The following LNPK variants were observed in gnomAD, a reference collection of about 807,000 sequenced individuals.
LNPK encodes endoplasmic reticulum junction formation protein lunapark.
Under a neutral mutation model 55.2 loss-of-function variants are expected in LNPK, and 29 were observed. The ratio of observed to expected loss-of-function variants is 0.53; its 90% CI spans 0.39 to 0.72. The LOEUF is 0.72. Ranked by LOEUF, LNPK falls within the 30% of genes least tolerant of loss-of-function variation. LNPK has a pLI of 0.00. For synonymous variants in LNPK, 162 were observed against 168.2 expected, an observed-to-expected ratio of 0.96 and a Z score of 0.29; for missense variants, 467 against 494.8, an observed-to-expected ratio of 0.94 and a Z score of 0.53.
rs771391018 is a variant in LNPK at position 175,930,146 on chromosome 2, T to C, written c.1108A>G (p.Ile370Val). 4 of 1,613,380 alleles carry C rather than the reference T, an allele frequency of 2.5e-6. No homozygotes were observed. In the East Asian group the frequency reaches 8.9e-5, roughly 36 times the overall value. ...TGGTTTGTCTGTTCTGTAGCTGGTA[T>C]TTTGTCATCTGTCTGCTCTGTATTA... ...DDNTEQTDDK[I>V]PATEQTNQVI... Residue 370 changes from isoleucine (I) to valine (V), a missense_variant, in exon 13 of 13, where the codon ATA becomes GTA. Ile to Val is a conservative substitution (Grantham distance 29). Transcript: ENST00000272748.
intron 2 of LNPK, among the ~76,000 whole-genome samples, chr2:175,994,914 ATTTTTTTTT>A (rs35432943): frequency 1.1e-5 from 1 of 88,494 alleles, no homozygotes; most frequent in Non-Finnish European, 2.2e-5. Flanking sequence ...CTTGTATAGA[ATTTTTTTTT>A]TTTTTTTTTT....
At chr2:175,941,790 C>CAAAAAAAAAAAAAAAAAAAA (rs59162981) in intron 9 of LNPK, among the ~76,000 whole-genome samples, 4 of 51,908 alleles carry the variant, frequency 7.7e-5, no homozygotes, top group Non-Finnish European at 1.0e-4. Flanking sequence ...GATTCCATCT[C>CAAAAAAAAAAAAAAAAAAAA]AAAAAAAAAA....
At chr2:175,949,779 G>C (rs1280557208) in intron 8 of LNPK, among the ~76,000 whole-genome samples, 1 of 151,984 alleles carries the variant, frequency 6.6e-6, no homozygotes, top group East Asian at 1.9e-4. Context: ...AGAAAATGTA[G>C]TTTCATCATT....
At chr2:175,987,674 TAAA>T (rs61294187) in intron 4 of LNPK, among the ~76,000 whole-genome samples, 15 of 149,794 alleles carry the variant, frequency 1.0e-4, no homozygotes, top group African/African-American at 2.9e-4. Flanking sequence ...AAAGTATAAT[TAAA>T]AAAAAAAAAA....
intron 1 of LNPK, among the ~76,000 whole-genome samples, chr2:175,996,736 T>C (rs566551410): frequency 1.4e-4 from 22 of 152,304 alleles, no homozygotes; most frequent in South Asian, 6.2e-4. Context: ...CTGAAGCTAG[T>C]TGACCTTCAA....
rs1683919627 is a variant in LNPK, at chr2:175,924,483, G to A, written c.*5484C>T. On this transcript the variant is annotated 3_prime_UTR_variant, in exon 13 of 13. Coordinates refer to ENST00000272748, the MANE Select transcript of LNPK (RefSeq NM_030650.3). Reference sequence around the variant, plus strand: ...TGAAACTTTATGTAACCTTCAGGTTGTATTTTTTAAATAACCTTAAATGCT... The same window carrying A: ...TGAAACTTTATGTAACCTTCAGGTTATATTTTTTAAATAACCTTAAATGCT... 6.6e-6 allele frequency: 1 copy of A among 152,174 alleles called. No homozygotes were observed. The highest frequency in any genetic ancestry group is 1.5e-5 in the Non-Finnish European group (1 of 68,014). 9.4% of individuals were successfully genotyped at this position (152,174 alleles called of 1,614,324 possible). A position where few individuals can be genotyped will look rare whatever the true frequency, so the allele number is the denominator to read the frequency against.
intron 4 of LNPK, among the ~76,000 whole-genome samples, chr2:175,990,436 C>T (rs1687651354): frequency 6.6e-6 from 1 of 152,192 alleles, no homozygotes; most frequent in South Asian, 2.1e-4. Context: ...TGGTGCCATA[C>T]TTCTTGTACA....
intron 5 of LNPK, among the ~76,000 whole-genome samples, chr2:175,975,741 TG>T (rs1193676468): frequency 1.3e-5 from 2 of 152,250 alleles, no homozygotes; most frequent in African/African-American, 4.8e-5. Flanking sequence ...CTGGGCGCAG[TG>T]GCCCATGCCT....
At chr2:175,939,181 T>C (rs555682096) in intron 10 of LNPK, among the ~76,000 whole-genome samples, 74 of 152,098 alleles carry the variant, frequency 4.9e-4, no homozygotes, top group Non-Finnish European at 7.8e-4. Context: ...TACATGCAAA[T>C]TGCTCTTAAC....
rs149509971 is a variant in LNPK at position 175,957,653 on chromosome 2, A to G, written c.493+6719T>C. On this transcript the variant is annotated intron_variant, in intron 8 of 12. Coordinates refer to ENST00000272748, the MANE Select transcript of LNPK (RefSeq NM_030650.3). ...TCCCAGCACGATCAACACAGAAGAC[A>G]GGTGATTTCTGGATTTCCAACTGAG... 1.0e-3 allele frequency among the ~76,000 whole-genome samples: 159 copies of G among 152,220 alleles called. 1 individual carries two copies. Among genetic ancestry groups the G allele is most frequent in the African/African-American group, 3.4e-3 (142 of 41,540 alleles).
chr2:175,940,789 T>C (rs1041712570), intron 9 of LNPK, among the ~76,000 whole-genome samples: 3 of 152,168 alleles, frequency 2.0e-5, no homozygotes, highest in African/African-American at 7.2e-5. Flanking sequence ...AAAGATTCAG[T>C]ATGCTAAGTA....
At position 176,002,254 on chromosome 2, in the gene LNPK, A is replaced by G. The variant is rs1293322283; in HGVS notation, c.-157T>C. The G allele has an allele frequency of 2.2e-6, 1 of 450,532 alleles. No individual in the cohort carries two copies. Among genetic ancestry groups the G allele is most frequent in the South Asian group, 1.6e-5 (1 of 63,898 alleles). The allele number at this position is 450,532 out of a possible 1,614,324, so 27.9% of individuals were successfully genotyped here. Reference sequence around the variant, plus strand: ...GCCTCCAGAGCAGGCAGCAGCCGCCACTGACAGAGAGACAAGCCGGGCCAA... The same window carrying G: ...GCCTCCAGAGCAGGCAGCAGCCGCCGCTGACAGAGAGACAAGCCGGGCCAA... On this transcript the variant is annotated 5_prime_UTR_variant, in exon 1 of 13. Coordinates refer to ENST00000272748, the MANE Select transcript of LNPK (RefSeq NM_030650.3).
intron 4 of LNPK, among the ~76,000 whole-genome samples, chr2:175,981,912 G>A (rs555540232): frequency 9.9e-5 from 15 of 152,182 alleles, no homozygotes; most frequent in African/African-American, 1.9e-4. Flanking sequence ...AAGCTACTAA[G>A]TTTTGGGGCA....
intron 1 of LNPK, among the ~76,000 whole-genome samples, chr2:175,997,705 C>CTGTGTGTATG (rs1553510489): frequency 6.9e-6 from 1 of 144,028 alleles, no homozygotes; most frequent in Non-Finnish European, 1.5e-5. Context: ...AACAAATGCT[C>CTGTGTGTATG]TGTGTGTGTG....
rs1684187001 is a variant in LNPK at position 175,929,997 on chromosome 2, T to C, written c.1257A>G (p.Glu419=). The change falls in exon 13 of 13, where the codon GAA becomes GAG. Residue 419 remains glutamate (E), a synonymous_variant. Coordinates refer to ENST00000272748, the MANE Select transcript of LNPK (RefSeq NM_030650.3). ...CTGCCGTCAAAGATTCTCCACTTAG[T>C]TCAGGATCAGGAATAGAATCAGCTC... The part of the protein sequence containing the change: ...VPGADSIPDP[E]LSGESLTAE The C allele has an allele frequency of 6.2e-7, 1 of 1,613,798 alleles. No individual in the cohort carries two copies. Among genetic ancestry groups the C allele is most frequent in the African/African-American group, 1.3e-5 (1 of 74,846 alleles).
chr2:175,935,707 C>A (rs1000586407), intron 12 of LNPK: 181 of 904,012 alleles, frequency 2.0e-4, no homozygotes, highest in Non-Finnish European at 2.3e-4. Flanking sequence ...AATAACATTA[C>A]CTTATTGGGG....
intron 1 of LNPK, among the ~76,000 whole-genome samples, chr2:175,998,444 C>CAAAAAA (rs761894057): frequency 1.2e-5 from 1 of 82,860 alleles, no homozygotes; most frequent in Non-Finnish European, 2.3e-5. Context: ...CTCCGTCTCA[C>CAAAAAA]AAAAAAAAAA....
rs1269872861 is a variant in LNPK, at chr2:175,967,608, G to A, written c.358-3019C>T. On this transcript the variant is annotated intron_variant, in intron 6 of 12. Coordinates refer to ENST00000272748, the MANE Select transcript of LNPK (RefSeq NM_030650.3). ...TTAACTTTGCAATTCAGAGTATTAG[G>A]GAGCATGTTATACCATATAAACTCA... The A allele has an allele frequency of 4.1e-6, 4 of 977,234 alleles. No individual in the cohort carries two copies. In the South Asian group the frequency reaches 1.4e-4, roughly 35 times the overall value. The allele number at this position is 977,234 out of a possible 1,614,324, so 60.5% of individuals were successfully genotyped here. A position where few individuals can be genotyped will look rare whatever the true frequency, so the allele number is the denominator to read the frequency against.
intron 8 of LNPK, among the ~76,000 whole-genome samples, chr2:175,960,996 C>G (rs1450563820): frequency 6.6e-6 from 1 of 152,128 alleles, no homozygotes; most frequent in Non-Finnish European, 1.5e-5. Context: ...TACACCCTCC[C>G]AAGACTAAAC....
Sources: gnomAD v4.1 joint callset for allele counts (sites outside exome capture counted in the v4.1 genomes callset) on GRCh38, gnomAD v4.1.1 for gene constraint, MANE v1.5 for transcripts, NCBI Gene and HGNC (gene_info 2026-07-23, HGNC 2026-07-21) for gene names.